Variants in EPB41 observed in about 807,000 individuals in gnomAD.
EPB41 encodes erythrocyte membrane protein band 4.1.
In EPB41, 65 loss-of-function variants were observed where a neutral mutation model predicts 108.0. That is an observed-to-expected ratio of 0.60 (90% CI 0.49 to 0.74). EPB41 has a LOEUF of 0.74. EPB41 is among the 30% of genes least tolerant of loss of function. The probability of loss-of-function intolerance (pLI) is 0.00; values close to 1 mark genes in which losing one functional copy is unlikely to be tolerated. For synonymous variants in EPB41, 336 were observed against 358.9 expected (o/e 0.94, Z 0.72); for missense variants, 875 against 1,037.0 (o/e 0.84, Z 2.15).
At chr1:29,015,152 A>G (rs193294755) in intron 5 of EPB41, among the ~76,000 whole-genome samples, 1 of 152,370 alleles carries the variant, frequency 6.6e-6, no homozygotes, top group Non-Finnish European at 1.5e-5. Flanking sequence ...TCAGGCAAAA[A>G]AATGAGATCC....
chr1:29,056,012 G>A (rs1408343734), intron 12 of EPB41, among the ~76,000 whole-genome samples: 5 of 150,950 alleles, frequency 3.3e-5, no homozygotes, highest in Non-Finnish European at 5.9e-5. Flanking sequence ...CGAGGCAGGC[G>A]GATCACAAGG....
intron 4 of EPB41, 107 bp from the exon 5 acceptor site, chr1:29,011,758 G>A: frequency 8.4e-7 from 1 of 1,193,932 alleles, no homozygotes; most frequent in Admixed American, 2.1e-5. Context: ...AGGAAATGCA[G>A]GTTGATCTGG....
intron 12 of EPB41, chr1:29,054,452 G>A (rs769709941): frequency 1.3e-5 from 2 of 150,772 alleles, no homozygotes; most frequent in Non-Finnish European, 2.9e-5. Context: ...TTTGGCAGAT[G>A]GATTAACCTT....
At chr1:29,007,550 A>G (rs750289274) in intron 4 of EPB41, among the ~76,000 whole-genome samples, 8 of 152,232 alleles carry the variant, frequency 5.3e-5, no homozygotes, top group Non-Finnish European at 8.8e-5. Flanking sequence ...TGCACTTGAT[A>G]TAACTCATTG....
chr1:28,890,446 GATA>G (rs1452602940), intron 1 of EPB41, among the ~76,000 whole-genome samples: 4 of 152,164 alleles, frequency 2.6e-5, no homozygotes, highest in African/African-American at 4.8e-5. Context: ...GAGTAGGGGA[GATA>G]AGTCTAAAGT....
In EPB41 at chr1:28,887,804, C is replaced by T. The variant is rs1481056931; in HGVS notation, c.-8+594C>T. 2.2e-6 allele frequency: 1 copy of T among 446,628 alleles called. No individual in the cohort carries two copies. The highest frequency in any genetic ancestry group is 9.4e-5 in the South Asian group (1 of 10,694). 27.7% of individuals were successfully genotyped at this position (446,628 alleles called of 1,614,324 possible). On this transcript the variant is annotated intron_variant, in intron 1 of 16. Transcript: ENST00000347529. The surrounding 1 kb of genome is among the most constrained non-coding windows in gnomAD (Gnocchi z 4.9). ...GGCCGTCGCGCCAGCCCCACACCCT[C>T]CCTGCCAGGCTTGGTCTAGGGGACT...
rs368272153 is a variant in EPB41, at chr1:28,987,670, G to T, written c.233G>T (p.Gly78Val). The T allele has an allele frequency of 6.2e-7, 1 of 1,614,208 alleles. No homozygotes were observed. The change falls in exon 2 of 21, where the codon GGA becomes GTA. Residue 78 changes from glycine (G) to valine (V), a missense_variant. Around this residue, in one of 3 missense-constraint regions of EPB41, gnomAD observed 353 missense variants for 393.2 expected, o/e 0.90. Transcript: ENST00000343067. The part of the protein sequence containing the change: ...KNKERTSESR[G>V]LSRLFSSFLK... ...AAGGAGCGGACATCAGAAAGCAGAGGACTTTCACGACTATTCTCCTCGTTT... is the reference window on the plus strand; with the variant it reads ...AAGGAGCGGACATCAGAAAGCAGAGTACTTTCACGACTATTCTCCTCGTTT...
chr1:29,080,344 C>T (rs577101932), intron 16 of EPB41, among the ~76,000 whole-genome samples: 29 of 151,892 alleles, frequency 1.9e-4, no homozygotes, highest in Admixed American at 4.6e-4. Context: ...TCAAATGATC[C>T]GCCCACCTTG....
In EPB41 at chr1:28,887,324, C is replaced by T. The variant is rs1383625064; in HGVS notation, c.-8+114C>T. 8 of 1,199,424 alleles carry T rather than the reference C, an allele frequency of 6.7e-6. No individual in the cohort carries two copies. Among genetic ancestry groups the T allele is most frequent in the Non-Finnish European group, 7.4e-6 (7 of 946,206 alleles). The allele number at this position is 1,199,424 out of a possible 1,614,324, so 74.3% of individuals were successfully genotyped here. On this transcript the variant is annotated intron_variant, in intron 1 of 16. Transcript: ENST00000347529. The surrounding 1 kb of genome is among the most constrained non-coding windows in gnomAD (Gnocchi z 4.9). ...GTCCCGGGAGAGGCGAGACCAGGGT[C>T]GAAGGGTCCAGGGCTGAGGGGTCCA...
chr1:29,053,461 G>C (rs1280608195), intron 12 of EPB41, 149 bp downstream of exon 12: 21 of 887,436 alleles, frequency 2.4e-5, no homozygotes, highest in Non-Finnish European at 3.5e-5. Context: ...TGTCTCCCAT[G>C]AACCTATAAA....
chr1:28,915,197 G>C (rs893411349), intron 1 of EPB41, among the ~76,000 whole-genome samples: 1 of 152,222 alleles, frequency 6.6e-6, no homozygotes, highest in African/African-American at 2.4e-5. Context: ...GAGCTGGGCT[G>C]TCTGCAGAAG....
chr1:29,064,409 A>G (rs1320406379), intron 15 of EPB41, among the ~76,000 whole-genome samples: 1 of 152,218 alleles, frequency 6.6e-6, no homozygotes. Flanking sequence ...AAAAAGGGCT[A>G]TTCTTGTTTT....
chr1:29,021,123 A>T (rs573479519), intron 7 of EPB41, among the ~76,000 whole-genome samples: 13 of 152,300 alleles, frequency 8.5e-5, no homozygotes, highest in Middle Eastern at 3.4e-3. Context: ...TTTATGTAAA[A>T]CATCACGTTT....
chr1:28,888,939 T>C (rs2089788998), intron 1 of EPB41, among the ~76,000 whole-genome samples: 1 of 152,190 alleles, frequency 6.6e-6, no homozygotes, highest in African/African-American at 2.4e-5. Context: ...GAATTATTAA[T>C]TCTAAGCCAG....
intron 1 of EPB41, among the ~76,000 whole-genome samples, chr1:28,980,794 G>GTT (rs1227983608): frequency 0.012 from 1,464 of 118,154 alleles, 35 homozygotes; most frequent in Middle Eastern, 0.057. Flanking sequence ...TATTCCAGGA[G>GTT]TTTTTTTTTT....
At chr1:29,087,208 T>C (rs1336611464) in intron 16 of EPB41, among the ~76,000 whole-genome samples, 2 of 152,144 alleles carry the variant, frequency 1.3e-5, no homozygotes, top group Non-Finnish European at 2.9e-5. Flanking sequence ...CCCAAAGTGC[T>C]GGGATTACAG....
intron 13 of EPB41, 24 bp from the exon 14 acceptor site, chr1:29,058,787 C>CT: frequency 6.5e-7 from 1 of 1,538,628 alleles, no homozygotes. Flanking sequence ...ATTTTTCTTT[C>CT]TTTTTTAAAT....
intron 17 of EPB41, among the ~76,000 whole-genome samples, chr1:29,109,123 G>T (rs961524210): frequency 1.3e-5 from 2 of 151,724 alleles, no homozygotes; most frequent in Non-Finnish European, 2.9e-5. Context: ...GCTTGAAACC[G>T]GGAAGCGGAG....
chr1:29,028,075 C>T lies in EPB41; in HGVS notation c.1125-2325C>T, dbSNP rs184121628. Reference sequence around the variant, plus strand: ...CCTACCTCAGGTGATCCGCCTGCCTCGGCCTCCCAAAGTGCTGGGATTATA... The same window carrying T: ...CCTACCTCAGGTGATCCGCCTGCCTTGGCCTCCCAAAGTGCTGGGATTATA... On this transcript the variant is annotated intron_variant, in intron 7 of 20. Transcript: ENST00000343067. 2.7e-3 allele frequency among the ~76,000 whole-genome samples: 406 copies of T among 152,218 alleles called. 2 individuals are homozygous for T. The highest frequency in any genetic ancestry group is 4.4e-3 in the Non-Finnish European group (299 of 68,012).
Sources: gnomAD v4.1 joint callset for allele counts (sites outside exome capture counted in the v4.1 genomes callset) on GRCh38, gnomAD v4.1.1 for gene constraint, gnomAD v4.1.1 regional missense constraint, Gnocchi (gnomAD v3.1) non-coding constraint, MANE v1.5 for transcripts, NCBI Gene and HGNC (gene_info 2026-07-23, HGNC 2026-07-21) for gene names.